NEXMIF: variants seen among roughly 807,000 people sequenced by gnomAD.
NEXMIF encodes XLMR protein related to neurite extension.
A neutral mutation model predicts 62.1 loss-of-function variants in NEXMIF; 8 were observed. The ratio of observed to expected loss-of-function variants is 0.13; its 90% CI spans 0.08 to 0.23. The LOEUF (loss-of-function observed/expected upper bound fraction) is 0.23. Among genes scored for constraint, NEXMIF ranks in the 10% least tolerant of loss-of-function variants. The pLI is 1.00. For missense variants in NEXMIF, 976 were observed against 1,113.3 expected, an observed-to-expected ratio of 0.88 and a Z score of 1.75; for synonymous variants, 404 against 416.6, an observed-to-expected ratio of 0.97 and a Z score of 0.37.
chrX:74,920,903 G>A (rs759385134), intron 1 of NEXMIF, among the ~76,000 whole-genome samples: 2 of 111,494 alleles, frequency 1.8e-5, no homozygotes, highest in Non-Finnish European at 3.8e-5. Context: ...TCTTGTTTAA[G>A]CTAGTGGTAT....
rs763355808 is a variant in NEXMIF at position 74,744,203 on chromosome X, A to G, written c.354T>C (p.Cys118=). The G allele has an allele frequency of 8.3e-7, 1 of 1,209,399 alleles. No homozygotes were observed. Among genetic ancestry groups the G allele is most frequent in the Non-Finnish European group, 1.1e-6 (1 of 895,087 alleles). The change falls in exon 3 of 4, where the codon TGT becomes TGC. Residue 118 remains cysteine (C), a synonymous_variant. Transcript: ENST00000055682. ...CCATTATGGCAAATGGAGCTTTCTC[A>G]CATTCATTGGGAAGTGACCATGTGT... ...GLNTWSLPNE[C]EKAPFAIMEP...
At position 74,919,846 on chromosome X, in the gene NEXMIF, A is replaced by T. The variant is rs980662561; in HGVS notation, c.-48+5037T>A. On this transcript the variant is annotated intron_variant, in intron 1 of 3. Transcript: ENST00000055682. ...TGTGTCCATGTGTTCTCATTGTTCA[A>T]TTCCCACCTATGAGTGAGAACACGC... Among the ~76,000 whole-genome samples, 3 of 110,300 alleles carry T rather than the reference A, an allele frequency of 2.7e-5. No individual in the cohort carries two copies. The Admixed American group carries it at 2.9e-4, about 11-fold the overall frequency.
intron 1 of NEXMIF, among the ~76,000 whole-genome samples, chrX:74,886,648 G>A (rs1459793464): frequency 9.0e-6 from 1 of 110,694 alleles, no homozygotes; most frequent in Admixed American, 9.6e-5. Flanking sequence ...GGAAATAAAA[G>A]AGGATACAAA....
intron 1 of NEXMIF, among the ~76,000 whole-genome samples, chrX:74,876,572 T>C (rs1232940633): frequency 9.6e-6 from 1 of 104,334 alleles, no homozygotes; most frequent in African/African-American, 3.5e-5. Context: ...CGTTGATCTG[T>C]CTAATGTTGA....
At chrX:74,739,698 T>C (rs1274548741) in intron 3 of NEXMIF, among the ~76,000 whole-genome samples, 200 bp from the exon 4 acceptor site, 1 of 110,173 alleles carries the variant, frequency 9.1e-6, no homozygotes, top group African/African-American at 3.3e-5. Context: ...CTCTTTTGTT[T>C]AAATGATCTT....
chrX:74,827,581 A>T (rs2080422762), intron 1 of NEXMIF, among the ~76,000 whole-genome samples: 1 of 112,177 alleles, frequency 8.9e-6, no homozygotes, highest in Non-Finnish European at 1.9e-5. Flanking sequence ...CTTAAGATAG[A>T]CTTTCTTATC....
chrX:74,799,136 A>T (rs1266065960), intron 1 of NEXMIF, among the ~76,000 whole-genome samples: 1 of 111,385 alleles, frequency 9.0e-6, no homozygotes, highest in African/African-American at 3.3e-5. Flanking sequence ...AAGTGCTGGA[A>T]TTACAGGCAT....
At chrX:74,913,377 C>T (rs2226174) in intron 1 of NEXMIF, among the ~76,000 whole-genome samples, 16,292 of 110,521 alleles carry the variant, frequency 0.15, 1,790 homozygotes, top group East Asian at 0.91. Flanking sequence ...AAAAAATAGA[C>T]GAGAAAAATG....
intron 1 of NEXMIF, among the ~76,000 whole-genome samples, chrX:74,897,202 A>G (rs2080735433): frequency 8.9e-6 from 1 of 111,824 alleles, no homozygotes; most frequent in Non-Finnish European, 1.9e-5. Flanking sequence ...TTACTGGAGT[A>G]AGAGTCAAGA....
chrX:74,875,239 C>A (rs957341634), intron 1 of NEXMIF, among the ~76,000 whole-genome samples: 3 of 109,866 alleles, frequency 2.7e-5, no homozygotes, highest in Admixed American at 1.9e-4. Flanking sequence ...TTTTCTGCAT[C>A]TATTGAGATA....
chrX:74,875,009 G>A (rs1602260058), intron 1 of NEXMIF, among the ~76,000 whole-genome samples: 1 of 111,075 alleles, frequency 9.0e-6, no homozygotes, highest in Non-Finnish European at 1.9e-5. Flanking sequence ...TCATTGCCCT[G>A]GCCAGAACTT....
At chrX:74,768,095 T>A (rs761073913) in intron 1 of NEXMIF, among the ~76,000 whole-genome samples, 1 of 111,321 alleles carries the variant, frequency 9.0e-6, no homozygotes, top group East Asian at 2.9e-4. Context: ...CCACATAGCT[T>A]TGTGTGTCAG....
At chrX:74,911,344 C>G (rs947022902) in intron 1 of NEXMIF, among the ~76,000 whole-genome samples, 1 of 111,443 alleles carries the variant, frequency 9.0e-6, no homozygotes, top group African/African-American at 3.3e-5. Context: ...CACTTGAACC[C>G]GGGAAGTGGA....
chrX:74,806,670 T>A (rs2080345775), intron 1 of NEXMIF, among the ~76,000 whole-genome samples: 1 of 112,388 alleles, frequency 8.9e-6, no homozygotes, highest in Non-Finnish European at 1.9e-5. Flanking sequence ...TTTTCTCCTA[T>A]GTTTTCTTCT....
Position 74,742,434 on chromosome X carries a change from T to C in NEXMIF, c.2123A>G (p.Glu708Gly). ...DSVKVKAQDT[E>G]FKGPERKVLN... is the part of the protein sequence containing the mutation. ...CACTTTCCTCTCTGGCCCCTTAAAC[T>C]CTGTGTCTTGGGCTTTGACTTTCAC... Residue 708 changes from glutamate to glycine, a missense_variant, in exon 3 of 4, where the codon GAG becomes GGG. By Grantham distance (98) the Glu-to-Gly change is moderately conservative (BLOSUM62 -2). Transcript: ENST00000055682. 1 of 1,211,221 alleles carries C rather than the reference T, an allele frequency of 8.3e-7. No individual in the cohort carries two copies. The highest frequency in any genetic ancestry group is 1.1e-6 in the Non-Finnish European group (1 of 895,243).
intron 1 of NEXMIF, among the ~76,000 whole-genome samples, chrX:74,828,465 T>C (rs1238224748): frequency 8.9e-6 from 1 of 111,906 alleles, no homozygotes; most frequent in Non-Finnish European, 1.9e-5. Flanking sequence ...TTGATCAACC[T>C]ATCCAAGGTT....
chrX:74,910,313 T>C (rs1033224437), intron 1 of NEXMIF, among the ~76,000 whole-genome samples: 1 of 112,521 alleles, frequency 8.9e-6, no homozygotes, highest in Admixed American at 9.3e-5. Flanking sequence ...ACATGAGATA[T>C]GGAGTCAAAG....
At position 74,743,928 on chromosome X, in the gene NEXMIF, T is replaced by C; in HGVS notation, c.629A>G (p.His210Arg). The change falls in exon 3 of 4, where the codon CAT (histidine) becomes CGT (arginine). Residue 210 changes from histidine (H) to arginine (R), a missense_variant. By Grantham distance (29) the His-to-Arg change is conservative. This residue lies in a region of NEXMIF where 45 missense variants were observed against 86.8 expected (regional missense o/e 0.52). Coordinates refer to ENST00000055682, the MANE Select transcript of NEXMIF (RefSeq NM_001008537.3). ...TCGTCTGTCTCCTGCCCTTGACTTA[T>C]GCAGGGGGAAGCCTAGGAGCTGGTC... Reference protein sequence around the residue: ...LSDQLLGFPLHKSRAGDRRET... With the variant: ...LSDQLLGFPLRKSRAGDRRET... The C allele has an allele frequency of 1.7e-6, 2 of 1,211,396 alleles. No homozygotes were observed. Among genetic ancestry groups the C allele is most frequent in the Non-Finnish European group, 1.1e-6 (1 of 895,064 alleles).
At chrX:74,789,424 G>A (rs1191187173) in intron 1 of NEXMIF, among the ~76,000 whole-genome samples, 1 of 108,753 alleles carries the variant, frequency 9.2e-6, no homozygotes, top group Non-Finnish European at 1.9e-5. Context: ...GAATAATGCT[G>A]CAATAAACAT....
Sources: gnomAD v4.1 joint callset for allele counts (sites outside exome capture counted in the v4.1 genomes callset) on GRCh38, gnomAD v4.1.1 for gene constraint, gnomAD v4.1.1 regional missense constraint, MANE v1.5 for transcripts, NCBI Gene and HGNC (gene_info 2026-07-23, HGNC 2026-07-21) for gene names.